The following DMD variants were observed in gnomAD, a reference collection of about 807,000 sequenced individuals.
The protein encoded by DMD is dystrophin, also known as mutant dystrophin.
In DMD, 63 loss-of-function variants were observed where a neutral mutation model predicts 330.1. The ratio of observed to expected loss-of-function variants is 0.19; its 90% confidence interval spans 0.16 to 0.24. The LOEUF (loss-of-function observed/expected upper bound fraction) is 0.24. Among genes scored for constraint, DMD ranks in the 10% least tolerant of loss-of-function variants. The pLI is 1.00. For synonymous variants in DMD, 1,223 were observed against 959.8 expected, an observed-to-expected ratio of 1.27 and a Z score of -5.07; for missense variants, 3,344 against 2,684.1, an observed-to-expected ratio of 1.25 and a Z score of -5.43.
At chrX:33,162,758 T>G (rs1036741728) in intron 1 of DMD, among the ~76,000 whole-genome samples, 1 of 99,908 alleles carries the variant, frequency 1.0e-5, no homozygotes, top group South Asian at 4.0e-4. Flanking sequence ...TTTTATGCTG[T>G]TTTTTTTTTT....
intron 60 of DMD, among the ~76,000 whole-genome samples, chrX:31,363,391 T>TTTTTA (rs1556568238): frequency 1.2e-3 from 109 of 89,522 alleles, no homozygotes; most frequent in African/African-American, 4.4e-3. Flanking sequence ...TTTTTTTTTT[T>TTTTTA]TTTTTTTTGA....
intron 1 of DMD, among the ~76,000 whole-genome samples, chrX:33,285,162 A>G (rs2053412687): frequency 8.9e-6 from 1 of 111,843 alleles, no homozygotes; most frequent in African/African-American, 3.2e-5. Flanking sequence ...TATTTTGTCA[A>G]TTACCTTTTT....
chrX:32,524,764 C>T (rs5928002), intron 17 of DMD, among the ~76,000 whole-genome samples: 5,474 of 112,152 alleles, frequency 0.049, 127 homozygotes, highest in Admixed American at 0.093. Context: ...GGTCTTTCCT[C>T]ATTCAATTTT....
rs1404516980 is a variant in DMD at position 33,259,606 on chromosome X, C to CG, written c.7+79652_7+79653insC. ...TAAATATTTCAAAATCGCCCCCCCC[C>CG]CCCAAAAAAAAAAAGGAAATCTGAA... On this transcript the variant is annotated intron_variant, in intron 1 of 17. Transcript: ENST00000288447. 1.6e-3 allele frequency among the ~76,000 whole-genome samples: 118 copies of CG among 72,119 alleles called. 3 individuals carry two copies. The highest frequency in any genetic ancestry group is 5.5e-3 in the African/African-American group (113 of 20,397). 62.6% of individuals were successfully genotyped at this position (72,119 alleles called of 115,157 possible). A position where few individuals can be genotyped will look rare whatever the true frequency, so the allele number is the denominator to read the frequency against.
chrX:32,269,037 A>G (rs1273568586), intron 43 of DMD, among the ~76,000 whole-genome samples: 1 of 110,612 alleles, frequency 9.0e-6, no homozygotes, highest in African/African-American at 3.3e-5. Context: ...CCAATAGATA[A>G]AAACACCTGA....
intron 55 of DMD, among the ~76,000 whole-genome samples, chrX:31,613,662 C>A (rs1428673352): frequency 9.0e-6 from 1 of 111,488 alleles, no homozygotes; most frequent in Non-Finnish European, 1.9e-5. Context: ...GAAGGTGCCC[C>A]TTCTCTTGGA....
chrX:33,243,657 G>A (rs1018248783), intron 1 of DMD, among the ~76,000 whole-genome samples: 1 of 112,031 alleles, frequency 8.9e-6, no homozygotes, highest in Non-Finnish European at 1.9e-5. Context: ...TAAGTTGATT[G>A]GATGAGGAAA....
At chrX:31,252,814 C>T (rs770755478) in intron 63 of DMD, among the ~76,000 whole-genome samples, 1 of 111,381 alleles carries the variant, frequency 9.0e-6, no homozygotes, top group African/African-American at 3.3e-5. Flanking sequence ...GAGATCGAGA[C>T]CATCCTGGCC....
intron 1 of DMD, among the ~76,000 whole-genome samples, chrX:33,087,589 G>A (rs1351958027): frequency 1.8e-5 from 2 of 111,952 alleles, no homozygotes; most frequent in East Asian, 2.8e-4. Flanking sequence ...TTATGCTGAG[G>A]CTTTAAAATT....
At chrX:33,127,905 T>C (rs1179817784) in intron 1 of DMD, among the ~76,000 whole-genome samples, 1 of 111,762 alleles carries the variant, frequency 8.9e-6, no homozygotes, top group Non-Finnish European at 1.9e-5. Context: ...GGTTCCTTCT[T>C]ATTTCAGTGA....
At chrX:31,189,857 C>G in intron 67 of DMD, among the ~76,000 whole-genome samples, 1 of 112,628 alleles carries the variant, frequency 8.9e-6, no homozygotes, top group South Asian at 3.7e-4. Context: ...GAGCAGAAGA[C>G]AAAATAAGTT....
chrX:33,049,948 G>A (rs752134541), intron 1 of DMD, among the ~76,000 whole-genome samples: 13 of 111,050 alleles, frequency 1.2e-4, no homozygotes, highest in African/African-American at 2.3e-4. Flanking sequence ...AAATATATTC[G>A]TCTTTAGAAT....
At chrX:32,079,229 T>G (rs2147876996) in intron 44 of DMD, among the ~76,000 whole-genome samples, 1 of 112,154 alleles carries the variant, frequency 8.9e-6, no homozygotes, top group East Asian at 2.8e-4. Flanking sequence ...GAACATATTT[T>G]TCTTCCCCTA....
chrX:31,345,181 G>A (rs1054586588), intron 61 of DMD, among the ~76,000 whole-genome samples: 1 of 112,137 alleles, frequency 8.9e-6, no homozygotes, highest in Non-Finnish European at 1.9e-5. Context: ...AGAGACTGAT[G>A]ACTTCCGGGG....
At chrX:31,697,492 C>G (rs1479424073) in intron 52 of DMD, among the ~76,000 whole-genome samples, 1 of 111,373 alleles carries the variant, frequency 9.0e-6, no homozygotes, top group Non-Finnish European at 1.9e-5. Flanking sequence ...TGAGACCCAG[C>G]ATGTGTCCTG....
At chrX:32,498,517 A>G (rs1231114583) in intron 19 of DMD, among the ~76,000 whole-genome samples, 3 of 110,927 alleles carry the variant, frequency 2.7e-5, no homozygotes, top group Non-Finnish European at 5.7e-5. Context: ...GAACATCCAT[A>G]AGGAAAACGT....
chrX:32,475,209 T>C (rs770366950), intron 21 of DMD, among the ~76,000 whole-genome samples: 6 of 111,621 alleles, frequency 5.4e-5, no homozygotes, highest in Non-Finnish European at 1.1e-4. Context: ...GTTCTGTTGG[T>C]CTATGTGCCT....
At chrX:32,177,278 ACT>A (rs2096909668) in intron 44 of DMD, among the ~76,000 whole-genome samples, 1 of 111,255 alleles carries the variant, frequency 9.0e-6, no homozygotes, top group Admixed American at 9.6e-5. Flanking sequence ...TCTAATCATG[ACT>A]CTTTCCTGAC....
intron 47 of DMD, among the ~76,000 whole-genome samples, chrX:31,876,756 G>C (rs2093975091): frequency 9.2e-6 from 1 of 109,268 alleles, no homozygotes; most frequent in Non-Finnish European, 1.9e-5. Context: ...GAATAAACAA[G>C]AGTAAAGCTA....
Sources: gnomAD v4.1 joint callset for allele counts (sites outside exome capture counted in the v4.1 genomes callset) on GRCh38, gnomAD v4.1.1 for gene constraint, MANE v1.5 for transcripts, NCBI Gene and HGNC (gene_info 2026-07-23, HGNC 2026-07-21) for gene names.